MECOM: variants seen among roughly 807,000 people sequenced by gnomAD.
MECOM encodes the protein histone-lysine N-methyltransferase MECOM.
Under a neutral mutation model 116.3 loss-of-function variants are expected in MECOM, and 13 were observed. The observed-to-expected ratio is 0.11, with a 90% CI of 0.07 to 0.18. The LOEUF is 0.18. Among genes scored for constraint, MECOM ranks in the 10% least tolerant of loss-of-function variants. The pLI, the probability that MECOM is intolerant of heterozygous loss-of-function variation, is 1.00. For synonymous variants in MECOM, 528 were observed against 535.2 expected (o/e 0.99, Z 0.19); for missense variants, 1,299 against 1,509.0 (o/e 0.86, Z 2.31).
intron 1 of MECOM, among the ~76,000 whole-genome samples, chr3:169,582,085 C>T (rs190928864): frequency 2.4e-4 from 37 of 152,220 alleles, no homozygotes; most frequent in African/African-American, 7.9e-4. Flanking sequence ...TGCCTTGAGG[C>T]CTGGTTTAAA....
chr3:169,571,887 C>A (rs983545812), intron 1 of MECOM, among the ~76,000 whole-genome samples: 1 of 152,170 alleles, frequency 6.6e-6, no homozygotes, highest in East Asian at 1.9e-4. Context: ...ATACAAAACT[C>A]TAGAAGAAAA....
chr3:169,283,424 A>AAG (rs2149682641), intron 2 of MECOM, among the ~76,000 whole-genome samples: 1 of 151,794 alleles, frequency 6.6e-6, no homozygotes, highest in African/African-American at 2.4e-5. Flanking sequence ...CAAAAAAAAA[A>AAG]GAGATAATTA....
intron 1 of MECOM, among the ~76,000 whole-genome samples, chr3:169,385,901 TAA>T (rs1409711977): frequency 2.6e-5 from 4 of 152,196 alleles, no homozygotes; most frequent in African/African-American, 9.7e-5. Flanking sequence ...CCCATAAAGA[TAA>T]ATAACACTTG....
chr3:169,145,761 A>C (rs368852900), intron 2 of MECOM: 1 of 217,718 alleles, frequency 4.6e-6, no homozygotes, highest in Non-Finnish European at 9.2e-6. Flanking sequence ...TACACTGCAC[A>C]TAAAAATTGT....
intron 1 of MECOM, among the ~76,000 whole-genome samples, chr3:169,474,572 C>T (rs1339829843): frequency 6.6e-6 from 1 of 152,030 alleles, no homozygotes. Flanking sequence ...AAAGTAACTG[C>T]TTTTTCCCTA....
chr3:169,428,473 C>T (rs534990922), intron 1 of MECOM, among the ~76,000 whole-genome samples: 10 of 152,316 alleles, frequency 6.6e-5, no homozygotes, highest in Admixed American at 5.9e-4. Context: ...GCAGTGCTCA[C>T]CTGACAGCTG....
At chr3:169,629,344 C>T (rs1262255279) in intron 1 of MECOM, among the ~76,000 whole-genome samples, 1 of 151,788 alleles carries the variant, frequency 6.6e-6, no homozygotes, top group Admixed American at 6.6e-5. Flanking sequence ...TTATGATGGA[C>T]TTTTTTCTAG....
chr3:169,145,000 A>G, intron 2 of MECOM: 1 of 1,561,836 alleles, frequency 6.4e-7, no homozygotes, highest in Non-Finnish European at 8.7e-7. Context: ...AACTCACCAT[A>G]TACTTCAAGA....
intron 12 of MECOM, among the ~76,000 whole-genome samples, chr3:169,098,019 C>T (rs1440498435): frequency 6.6e-6 from 1 of 151,808 alleles, no homozygotes; most frequent in Non-Finnish European, 1.5e-5. Flanking sequence ...ATTTACATAC[C>T]ATTTTACTTT....
chr3:169,478,905 T>C (rs577140805), intron 1 of MECOM, among the ~76,000 whole-genome samples: 1 of 152,354 alleles, frequency 6.6e-6, no homozygotes, highest in East Asian at 1.9e-4. Flanking sequence ...TGGAACACAG[T>C]AGGACTCCAC....
intron 1 of MECOM, among the ~76,000 whole-genome samples, chr3:169,416,142 A>G (rs181396646): frequency 3.4e-4 from 52 of 152,312 alleles, no homozygotes; most frequent in African/African-American, 1.3e-3. Context: ...ACTCCTCAGC[A>G]AATGCAAAAG....
At chr3:169,483,984 G>C (rs1751769111) in intron 1 of MECOM, 1 of 1,601,148 alleles carries the variant, frequency 6.2e-7, no homozygotes, top group African/African-American at 1.3e-5. Flanking sequence ...GTGCAATCAA[G>C]AGTGAACTTC....
chr3:169,654,780 T>A (rs765535724), intron 1 of MECOM, among the ~76,000 whole-genome samples: 17 of 151,436 alleles, frequency 1.1e-4, no homozygotes, highest in Non-Finnish European at 2.1e-4. Context: ...TGGCCAGATA[T>A]CAGATTCTGT....
At chr3:169,159,787 T>A (rs985386135) in intron 2 of MECOM, among the ~76,000 whole-genome samples, 4 of 152,176 alleles carry the variant, frequency 2.6e-5, no homozygotes, top group African/African-American at 9.7e-5. Context: ...TGGATTCAAA[T>A]CACAGCTTCG....
chr3:169,268,402 G>T (rs946206102), intron 2 of MECOM, among the ~76,000 whole-genome samples: 3 of 152,132 alleles, frequency 2.0e-5, no homozygotes, highest in African/African-American at 7.2e-5. Context: ...TTTCTCAAGT[G>T]GGTATGCAAA....
intron 2 of MECOM, among the ~76,000 whole-genome samples, chr3:169,261,822 C>G (rs568659011): frequency 6.7e-4 from 102 of 152,342 alleles, no homozygotes; most frequent in African/African-American, 2.4e-3. Context: ...GTGGTCCTAA[C>G]CACTTGCTGG....
Position 169,548,899 on chromosome 3 carries a change from T to C in MECOM, c.37+114437A>G, listed in dbSNP as rs16854067. Among the ~76,000 whole-genome samples the C allele has an allele frequency of 9.2e-3, 1,407 of 152,132 alleles. 16 individuals carry two copies. The highest frequency in any genetic ancestry group is 0.029 in the South Asian group (139 of 4,810). On this transcript the variant is annotated intron_variant, in intron 1 of 16. Transcript: ENST00000651503. ...TCCTTCTTACAAATGTGGTAACTGATACCTAGAGAGCTTAAATAACGTGGG... is the reference window on the plus strand; with the variant it reads ...TCCTTCTTACAAATGTGGTAACTGACACCTAGAGAGCTTAAATAACGTGGG...
intron 12 of MECOM, among the ~76,000 whole-genome samples, chr3:169,100,206 C>G (rs1355252671): frequency 6.8e-6 from 1 of 146,668 alleles, no homozygotes; most frequent in Non-Finnish European, 1.5e-5. Flanking sequence ...GCAGTGGATT[C>G]TCCTGCCTCA....
At chr3:169,277,156 G>A (rs1240055451) in intron 2 of MECOM, among the ~76,000 whole-genome samples, 1 of 152,054 alleles carries the variant, frequency 6.6e-6, no homozygotes, top group Non-Finnish European at 1.5e-5. Flanking sequence ...GAGAGAAAAT[G>A]GGTATGTATA....
Sources: allele counts gnomAD v4.1 joint callset (sites outside exome capture counted in the v4.1 genomes callset), GRCh38; gene constraint gnomAD v4.1.1; transcripts MANE v1.5; gene names NCBI Gene and HGNC (gene_info 2026-07-23, HGNC 2026-07-21).